ROBO1: variants seen among roughly 807,000 people sequenced by gnomAD.
ROBO1 encodes the protein roundabout guidance receptor 1.
In ROBO1, 149 loss-of-function variants were observed where a neutral mutation model predicts 195.9. The ratio of observed to expected loss-of-function variants is 0.76; its 90% CI spans 0.67 to 0.87. The LOEUF (loss-of-function observed/expected upper bound fraction) is 0.87. ROBO1 is among the 40% of genes least tolerant of loss of function. The pLI, the probability that ROBO1 is intolerant of heterozygous loss-of-function variation, is 0.00. For synonymous variants in ROBO1, 816 were observed against 733.2 expected, an observed-to-expected ratio of 1.11 and a Z score of -1.82; for missense variants, 1,933 against 2,068.3, an observed-to-expected ratio of 0.93 and a Z score of 1.27.
intron 4 of ROBO1, among the ~76,000 whole-genome samples, chr3:78,819,460 A>C (rs546880689): frequency 5.3e-5 from 8 of 150,230 alleles, no homozygotes; most frequent in African/African-American, 1.9e-4. Flanking sequence ...AAAAAAAAAC[A>C]AAACCTTTTT....
intron 3 of ROBO1, among the ~76,000 whole-genome samples, chr3:78,979,854 G>A (rs768022017): frequency 6.6e-6 from 1 of 151,740 alleles, no homozygotes; most frequent in East Asian, 1.9e-4. Flanking sequence ...AGATCTACTT[G>A]GGCTCACACC....
chr3:78,904,413 A>T (rs537343442), intron 4 of ROBO1, among the ~76,000 whole-genome samples: 2 of 152,208 alleles, frequency 1.3e-5, no homozygotes, highest in South Asian at 4.1e-4. Context: ...ACAGTTTCTT[A>T]CACTGGGATC....
intron 3 of ROBO1, among the ~76,000 whole-genome samples, chr3:78,982,211 G>T (rs1252977818): frequency 1.3e-5 from 2 of 151,964 alleles, no homozygotes; most frequent in Non-Finnish European, 1.5e-5. Flanking sequence ...ACTACCCCTC[G>T]GAATTACCTA....
intron 2 of ROBO1, among the ~76,000 whole-genome samples, chr3:79,483,637 T>C (rs9867953): frequency 0.46 from 69,664 of 152,032 alleles, 16,331 homozygotes; most frequent in African/African-American, 0.54. Context: ...CTAAATGCTG[T>C]AAAGAATTGT....
At chr3:79,157,547 C>G (rs1411580803) in intron 2 of ROBO1, among the ~76,000 whole-genome samples, 5 of 151,912 alleles carry the variant, frequency 3.3e-5, no homozygotes, top group Non-Finnish European at 7.4e-5. Flanking sequence ...ATATACTTAT[C>G]ACACTTTCAG....
chr3:78,714,390 T>C lies in ROBO1; in HGVS notation c.1045+7A>G. 3 of 1,605,896 alleles carry C rather than the reference T, an allele frequency of 1.9e-6. No individual in the cohort carries two copies. Among genetic ancestry groups the C allele is most frequent in the Non-Finnish European group, 2.5e-6 (3 of 1,177,332 alleles). On this transcript the variant is annotated splice_region_variant and intron_variant, in intron 8 of 30. Transcript: ENST00000464233. ...ACCACCAAAACAAAGCCTTTCCCAA[T>C]GCCTACCTTGAACAGTCAGAGTAGC...
intron 10 of ROBO1, among the ~76,000 whole-genome samples, chr3:78,677,881 GCACCA>G (rs1708537372): frequency 6.6e-6 from 1 of 151,452 alleles, no homozygotes; most frequent in Middle Eastern, 3.4e-3. Flanking sequence ...ATTTTTTTCA[GCACCA>G]CACCACACCT....
At chr3:79,551,953 T>C (rs1942528148) in intron 2 of ROBO1, among the ~76,000 whole-genome samples, 2 of 113,882 alleles carry the variant, frequency 1.8e-5, no homozygotes, top group South Asian at 6.0e-4. Context: ...CCTCTTCAGC[T>C]CCTGTCCTTT....
intron 3 of ROBO1, among the ~76,000 whole-genome samples, chr3:79,034,460 A>G (rs187370409): frequency 7.4e-4 from 112 of 152,246 alleles, no homozygotes; most frequent in Non-Finnish European, 1.4e-3. Flanking sequence ...GAGGGAAACC[A>G]TTTGTATTAG....
chr3:79,521,050 T>A (rs530036090), intron 2 of ROBO1, among the ~76,000 whole-genome samples: 44 of 152,298 alleles, frequency 2.9e-4, no homozygotes, highest in Non-Finnish European at 6.0e-4. Flanking sequence ...CATTGAATAA[T>A]CTTTGAGACC....
intron 2 of ROBO1, among the ~76,000 whole-genome samples, chr3:79,359,538 A>G (rs530114644): frequency 1.7e-4 from 26 of 151,972 alleles, no homozygotes; most frequent in Non-Finnish European, 3.1e-4. Context: ...GTTGATGTTG[A>G]TCTTGTTTAA....
chr3:78,657,336 G>T, intron 17 of ROBO1, 67 bp from the exon 18 acceptor site: 1 of 1,538,558 alleles, frequency 6.5e-7, no homozygotes, highest in Non-Finnish European at 8.8e-7. Flanking sequence ...ATCAACACAG[G>T]GTTGCAGTTT....
chr3:78,790,863 G>A (rs767278178), intron 4 of ROBO1, among the ~76,000 whole-genome samples: 1 of 152,058 alleles, frequency 6.6e-6, no homozygotes, highest in Non-Finnish European at 1.5e-5. Flanking sequence ...CACATATGTA[G>A]ACCTAATTCC....
At chr3:78,726,994 G>A (rs139596749) in intron 5 of ROBO1, among the ~76,000 whole-genome samples, 1 of 152,156 alleles carries the variant, frequency 6.6e-6, no homozygotes, top group Non-Finnish European at 1.5e-5. Flanking sequence ...TTTCCAATCT[G>A]GCTACAAGAA....
intron 1 of ROBO1, among the ~76,000 whole-genome samples, chr3:79,717,725 A>AT (rs1413291983): frequency 6.6e-5 from 10 of 151,984 alleles, no homozygotes; most frequent in Admixed American, 5.9e-4. Flanking sequence ...GTGTGTTTCA[A>AT]TTTTTTAAAA....
At chr3:78,797,088 T>C (rs1009522089) in intron 4 of ROBO1, among the ~76,000 whole-genome samples, 4 of 152,200 alleles carry the variant, frequency 2.6e-5, no homozygotes, top group Non-Finnish European at 5.9e-5. Flanking sequence ...GAAGATTTTC[T>C]AACTTTCTAA....
At chr3:79,151,011 G>A (rs2080758492) in intron 2 of ROBO1, among the ~76,000 whole-genome samples, 1 of 151,730 alleles carries the variant, frequency 6.6e-6, no homozygotes, top group African/African-American at 2.4e-5. Context: ...ATTGAATCAT[G>A]GGGGTGGTTT....
At chr3:78,813,164 T>C (rs992230652) in intron 4 of ROBO1, among the ~76,000 whole-genome samples, 2 of 151,994 alleles carry the variant, frequency 1.3e-5, no homozygotes, top group African/African-American at 4.8e-5. Context: ...ACAAACACAA[T>C]TTAGCCAATA....
At chr3:79,292,459 T>A (rs2032312099) in intron 2 of ROBO1, among the ~76,000 whole-genome samples, 1 of 152,200 alleles carries the variant, frequency 6.6e-6, no homozygotes, top group South Asian at 2.1e-4. Flanking sequence ...TGTGCCAGTT[T>A]TCAAAGGGAA....
Sources: gnomAD v4.1 joint callset for allele counts (sites outside exome capture counted in the v4.1 genomes callset) on GRCh38, gnomAD v4.1.1 for gene constraint, MANE v1.5 for transcripts, NCBI Gene and HGNC (gene_info 2026-07-23, HGNC 2026-07-21) for gene names.